SDK1: variants seen among roughly 807,000 people sequenced by gnomAD.
SDK1 encodes protein sidekick-1.
In SDK1, 157 loss-of-function variants were observed where a neutral mutation model predicts 245.5. The ratio of observed to expected loss-of-function variants is 0.64; its 90% CI spans 0.56 to 0.73. SDK1 has a LOEUF of 0.73. SDK1 is among the 30% of genes least tolerant of loss of function. The probability of loss-of-function intolerance (pLI) is 0.00; values close to 1 mark genes in which losing one functional copy is unlikely to be tolerated. For synonymous variants in SDK1, 1,647 were observed against 1,278.5 expected (o/e 1.29, Z -6.15); for missense variants, 3,583 against 3,002.3 (o/e 1.19, Z -4.52).
At chr7:3,372,917 T>C (rs143785314) in intron 1 of SDK1, among the ~76,000 whole-genome samples, 1 of 152,204 alleles carries the variant, frequency 6.6e-6, no homozygotes, top group South Asian at 2.1e-4. Flanking sequence ...TTTAAAATAC[T>C]TTATACAAGA....
At chr7:3,594,657 C>G (rs1241170373) in intron 1 of SDK1, among the ~76,000 whole-genome samples, 3 of 152,078 alleles carry the variant, frequency 2.0e-5, no homozygotes, top group African/African-American at 7.2e-5. Context: ...GGTGGGTTAC[C>G]TCATTAATTG....
At chr7:3,556,222 G>A (rs1779583798) in intron 1 of SDK1, among the ~76,000 whole-genome samples, 1 of 152,154 alleles carries the variant, frequency 6.6e-6, no homozygotes, top group Non-Finnish European at 1.5e-5. Flanking sequence ...ACACGATGGA[G>A]TATATTCAGC....
chr7:3,584,285 A>G (rs571277819), intron 1 of SDK1, among the ~76,000 whole-genome samples: 25 of 152,006 alleles, frequency 1.6e-4, no homozygotes, highest in Non-Finnish European at 2.9e-4. Context: ...TTGAATACAA[A>G]CCTAATGCAC....
chr7:3,774,586 T>C (rs1780496924), intron 4 of SDK1, among the ~76,000 whole-genome samples: 2 of 152,200 alleles, frequency 1.3e-5, no homozygotes, highest in Admixed American at 1.3e-4. Flanking sequence ...AAGCCTTAAG[T>C]AGCCTCCAGA....
intron 4 of SDK1, among the ~76,000 whole-genome samples, chr7:3,672,759 T>TTATATA (rs60760676): frequency 4.9e-4 from 25 of 50,754 alleles, no homozygotes; most frequent in South Asian, 4.3e-3. Context: ...ATATATAATT[T>TTATATA]TATATATATA....
intron 5 of SDK1, among the ~76,000 whole-genome samples, chr7:3,893,194 G>A (rs1781504514): frequency 6.6e-6 from 1 of 152,122 alleles, no homozygotes; most frequent in African/African-American, 2.4e-5. Flanking sequence ...GTTGTGTTGA[G>A]TCAAAATCTG....
At chr7:3,999,386 T>G (rs900058666) in intron 14 of SDK1, among the ~76,000 whole-genome samples, 2 of 151,944 alleles carry the variant, frequency 1.3e-5, no homozygotes, top group Non-Finnish European at 2.9e-5. Flanking sequence ...AAATCACAAA[T>G]CCAAGAATAT....
At chr7:3,540,526 A>G (rs1364979650) in intron 1 of SDK1, among the ~76,000 whole-genome samples, 3 of 150,600 alleles carry the variant, frequency 2.0e-5, no homozygotes, top group South Asian at 2.1e-4. Context: ...GAGAGAAGTG[A>G]CTCTGAATCT....
chr7:3,736,294 G>C (rs1779316009), intron 4 of SDK1, among the ~76,000 whole-genome samples: 1 of 152,028 alleles, frequency 6.6e-6, no homozygotes, highest in Non-Finnish European at 1.5e-5. Flanking sequence ...GAGACATTAA[G>C]GTTTTGTTTT....
At chr7:3,411,412 T>G (rs1779196344) in intron 1 of SDK1, among the ~76,000 whole-genome samples, 1 of 152,162 alleles carries the variant, frequency 6.6e-6, no homozygotes, top group Non-Finnish European at 1.5e-5. Flanking sequence ...GAACATATGA[T>G]CCAATAACAT....
chr7:3,424,524 C>T (rs970270550), intron 1 of SDK1, among the ~76,000 whole-genome samples: 3 of 152,104 alleles, frequency 2.0e-5, no homozygotes, highest in African/African-American at 7.2e-5. Context: ...GAAGATATGT[C>T]TCTTATGAAT....
intron 40 of SDK1, among the ~76,000 whole-genome samples, chr7:4,224,445 C>G (rs557585220): frequency 2.0e-5 from 3 of 152,060 alleles, no homozygotes; most frequent in Non-Finnish European, 2.9e-5. Context: ...AGAACTCACT[C>G]CCTATTGTAA....
intron 1 of SDK1, among the ~76,000 whole-genome samples, chr7:3,398,611 C>G (rs13246563): frequency 0.45 from 68,257 of 151,588 alleles, 17,435 homozygotes; most frequent in East Asian, 0.61. Context: ...TTACTTTTCC[C>G]CTTGCCCTTG....
At chr7:4,231,161 G>A (rs912158164) in intron 40 of SDK1, among the ~76,000 whole-genome samples, 13 of 152,146 alleles carry the variant, frequency 8.5e-5, no homozygotes, top group African/African-American at 3.1e-4. Flanking sequence ...ATCTGTGTGT[G>A]AACCTCAGCA....
intron 17 of SDK1, among the ~76,000 whole-genome samples, chr7:4,048,017 A>G (rs1789145538): frequency 6.6e-6 from 1 of 152,160 alleles, no homozygotes; most frequent in Non-Finnish European, 1.5e-5. Context: ...ATGGGGACAG[A>G]GGGTCCTCCT....
chr7:3,797,074 A>G (rs886635049), intron 4 of SDK1, among the ~76,000 whole-genome samples: 2 of 150,842 alleles, frequency 1.3e-5, no homozygotes, highest in African/African-American at 2.4e-5. Flanking sequence ...TGGTGCAGTC[A>G]TAGCTCACTG....
intron 42 of SDK1, among the ~76,000 whole-genome samples, chr7:4,240,937 A>T (rs1030549038): frequency 6.6e-6 from 1 of 152,162 alleles, no homozygotes; most frequent in African/African-American, 2.4e-5. Flanking sequence ...GGGGGTTTGC[A>T]GGGTGGACAG....
At position 4,011,093 on chromosome 7, in the gene SDK1, G is replaced by T; in HGVS notation, c.2259G>T (p.Gln753His). ...VCAVNEVGRG[Q>H]YSAETSRLML... is the part of the protein sequence containing the mutation. ...CGGTGAATGAAGTGGGCAGGGGCCA[G>T]TACAGCGCCGAGACAAGCAGGTGCG... Residue 753 changes from glutamine (Q) to histidine (H), a missense_variant, in exon 15 of 45, where the codon CAG becomes CAT. Gln to His is a conservative substitution (Grantham distance 24). Coordinates refer to ENST00000404826, the MANE Select transcript of SDK1 (RefSeq NM_152744.4). The T allele has an allele frequency of 1.9e-6, 3 of 1,613,994 alleles. No individual in the cohort carries two copies. Among genetic ancestry groups the T allele is most frequent in the Non-Finnish European group, 2.5e-6 (3 of 1,180,032 alleles).
chr7:4,164,818 G>A (rs1256525113), intron 32 of SDK1, among the ~76,000 whole-genome samples: 3 of 152,164 alleles, frequency 2.0e-5, no homozygotes, highest in South Asian at 2.1e-4. Flanking sequence ...TGCATCAGCC[G>A]TCCCCCTCCA....
Sources: gnomAD v4.1 joint callset for allele counts (sites outside exome capture counted in the v4.1 genomes callset) on GRCh38, gnomAD v4.1.1 for gene constraint, MANE v1.5 for transcripts, NCBI Gene and HGNC (gene_info 2026-07-23, HGNC 2026-07-21) for gene names.